TAF1B: variants seen among roughly 807,000 people sequenced by gnomAD.
The protein encoded by TAF1B is TATA-box binding protein associated factor, RNA polymerase I subunit B, also known as TATA box-binding protein-associated factor RNA polymerase I subunit B.
In TAF1B, 61 loss-of-function variants were observed where a neutral mutation model predicts 83.9. The observed-to-expected ratio is 0.73, with a 90% CI of 0.59 to 0.90. The LOEUF (loss-of-function observed/expected upper bound fraction) is 0.90, where lower values mean the gene tolerates loss of function less well. Among genes scored for constraint, TAF1B ranks in the 40% least tolerant of loss-of-function variants. TAF1B has a pLI of 0.00. For synonymous variants in TAF1B, 221 were observed against 224.6 expected (o/e 0.98, Z 0.14); for missense variants, 625 against 677.0 (o/e 0.92, Z 0.85).
At position 9,914,929 on chromosome 2, in the gene TAF1B, C is replaced by CT. The variant is rs1665637767; in HGVS notation, c.1271+1681dup. ...CCCACCCCCATGTTGACATACATGT[C>CT]TAATTTTTCTCTTTGTTTCTCTGAA... On this transcript the variant is annotated intron_variant, in intron 12 of 14. Transcript: ENST00000263663. The surrounding 1 kb of genome is among the most constrained non-coding windows in gnomAD (Gnocchi z 4.3). 6.6e-6 allele frequency among the ~76,000 whole-genome samples: 1 copy of CT among 152,204 alleles called. No individual in the cohort carries two copies. The highest frequency in any genetic ancestry group is 6.5e-5 in the Admixed American group (1 of 15,274).
chr2:9,904,136 T>G (rs1429942101), intron 8 of TAF1B, among the ~76,000 whole-genome samples: 2 of 152,264 alleles, frequency 1.3e-5, no homozygotes, highest in South Asian at 2.1e-4. Context: ...AACTTTGATT[T>G]TAGGTTCAAG....
chr2:9,927,902 C>T (rs1290939264), intron 14 of TAF1B, among the ~76,000 whole-genome samples: 3 of 152,060 alleles, frequency 2.0e-5, no homozygotes, highest in Non-Finnish European at 4.4e-5. Context: ...CTTTTGTTGC[C>T]ATTGCTTTTG....
At chr2:9,852,829 A>G (rs1263887011) in intron 4 of TAF1B, among the ~76,000 whole-genome samples, 1 of 152,210 alleles carries the variant, frequency 6.6e-6, no homozygotes, top group East Asian at 1.9e-4. Context: ...AGAACAGAGA[A>G]AGATCAACAT....
intron 3 of TAF1B, among the ~76,000 whole-genome samples, chr2:9,850,786 C>T (rs142901296): frequency 3.0e-4 from 46 of 152,294 alleles, no homozygotes; most frequent in Non-Finnish European, 5.6e-4. Flanking sequence ...ACATGTAACT[C>T]TGTCTATTGT....
intron 14 of TAF1B, among the ~76,000 whole-genome samples, chr2:9,925,032 G>A (rs1247987300): frequency 6.6e-6 from 1 of 152,174 alleles, no homozygotes; most frequent in Admixed American, 6.5e-5. Flanking sequence ...ATGAGGCAGA[G>A]CAGTGGTCTT....
intron 4 of TAF1B, among the ~76,000 whole-genome samples, chr2:9,852,653 A>G (rs6707551): frequency 0.24 from 36,817 of 151,986 alleles, 5,013 homozygotes; most frequent in East Asian, 0.31. Flanking sequence ...TGCTATACCC[A>G]GCTAATTTTT....
chr2:9,870,737 T>G (rs1033519444), intron 6 of TAF1B, among the ~76,000 whole-genome samples: 7 of 152,188 alleles, frequency 4.6e-5, no homozygotes, highest in Non-Finnish European at 1.0e-4. Context: ...TCAATATAAT[T>G]GCTGTAATTT....
At chr2:9,930,291 C>T (rs1164213531) in intron 14 of TAF1B, among the ~76,000 whole-genome samples, 1 of 152,124 alleles carries the variant, frequency 6.6e-6, no homozygotes, top group Admixed American at 6.5e-5. Flanking sequence ...TTAGATCTTT[C>T]CTGCTTTCTC....
chr2:9,916,887 G>A (rs146559041), intron 12 of TAF1B, among the ~76,000 whole-genome samples: 190 of 107,776 alleles, frequency 1.8e-3, no homozygotes, highest in African/African-American at 5.2e-3. Context: ...TGCCCAGGCT[G>A]GAGTGCTGGA....
At chr2:9,903,961 A>G (rs1165016369) in intron 8 of TAF1B, among the ~76,000 whole-genome samples, 2 of 152,224 alleles carry the variant, frequency 1.3e-5, no homozygotes, top group Non-Finnish European at 2.9e-5. Context: ...TTAAAATATT[A>G]AGGATTTATG....
At chr2:9,933,153 C>T (rs1666268701) in intron 14 of TAF1B, among the ~76,000 whole-genome samples, 1 of 152,214 alleles carries the variant, frequency 6.6e-6, no homozygotes, top group Admixed American at 6.5e-5. Flanking sequence ...GGCTCACCCT[C>T]CGTGGGCTGC....
chr2:9,909,786 A>G (rs769292360), intron 9 of TAF1B, among the ~76,000 whole-genome samples: 3 of 152,212 alleles, frequency 2.0e-5, no homozygotes, highest in Admixed American at 6.5e-5. Context: ...TTTTAGATAG[A>G]TTGTTTAAAA....
intron 12 of TAF1B, among the ~76,000 whole-genome samples, chr2:9,915,256 T>C (rs1462095453): frequency 6.6e-6 from 1 of 152,196 alleles, no homozygotes; most frequent in Non-Finnish European, 1.5e-5. Context: ...AGAAATTTCT[T>C]AGATGTGACA....
chr2:9,873,476 T>A (rs1664230300), intron 6 of TAF1B, among the ~76,000 whole-genome samples: 1 of 152,164 alleles, frequency 6.6e-6, no homozygotes, highest in South Asian at 2.1e-4. Context: ...ATGCTGAAAC[T>A]AAAATTCCTA....
intron 5 of TAF1B, among the ~76,000 whole-genome samples, chr2:9,863,819 A>C (rs1663865405): frequency 6.6e-6 from 1 of 152,242 alleles, no homozygotes; most frequent in South Asian, 2.1e-4. Flanking sequence ...AACTACATGG[A>C]AACTGAACAA....
In TAF1B at chr2:9,913,224, CA is replaced by C; in HGVS notation, c.1251del (p.Lys417AsnfsTer26). On this transcript the variant is annotated frameshift_variant, in exon 12 of 15. Transcript: ENST00000263663. LOFTEE classifies it high-confidence loss of function. ...GAAGAAAGCTTTTGATGAGAAAAAA[CA>C]AAAATGGGAAGAAGCAAGGGCCAAG... ...IMKKAFDEKK[Q>X]KWEEARAKYL... 1 of 1,613,060 alleles carries C rather than the reference CA, an allele frequency of 6.2e-7. No homozygotes were observed. The highest frequency in any genetic ancestry group is 8.5e-7 in the Non-Finnish European group (1 of 1,179,616).
intron 14 of TAF1B, among the ~76,000 whole-genome samples, chr2:9,927,614 A>G: frequency 6.6e-6 from 1 of 152,198 alleles, no homozygotes; most frequent in Non-Finnish European, 1.5e-5. Flanking sequence ...CATTTCTCTG[A>G]TGGCCAGTGA....
intron 5 of TAF1B, among the ~76,000 whole-genome samples, chr2:9,855,581 G>A (rs568122222): frequency 3.3e-5 from 5 of 152,240 alleles, no homozygotes; most frequent in Non-Finnish European, 7.4e-5. Flanking sequence ...CTACTTGGGA[G>A]GCTGAGGTGG....
intron 7 of TAF1B, among the ~76,000 whole-genome samples, chr2:9,880,573 G>GTC (rs1250146836): frequency 6.6e-6 from 1 of 151,896 alleles, no homozygotes; most frequent in East Asian, 1.9e-4. Flanking sequence ...CCCTAGTCAG[G>GTC]TCTCTCATTT....
Sources: allele counts gnomAD v4.1 joint callset (sites outside exome capture counted in the v4.1 genomes callset), GRCh38; gene constraint gnomAD v4.1.1; non-coding constraint Gnocchi (gnomAD v3.1); transcripts MANE v1.5; gene names NCBI Gene and HGNC (gene_info 2026-07-23, HGNC 2026-07-21).